The following ADPRHL1 variants were observed in gnomAD, a reference collection of about 807,000 sequenced individuals.
The protein encoded by ADPRHL1 is ADP-ribosylhydrolase like 1, also known as inactive ADP-ribosyltransferase ARH2.
In ADPRHL1, 43 loss-of-function variants were observed where a neutral mutation model predicts 44.1. The observed-to-expected ratio is 0.98, with a 90% CI of 0.76 to 1.26. ADPRHL1 has a LOEUF of 1.26. Among genes scored for constraint, ADPRHL1 ranks in the 50% most tolerant of loss-of-function variants. The pLI, the probability that ADPRHL1 is intolerant of heterozygous loss-of-function variation, is 0.00. For synonymous variants in ADPRHL1, 878 were observed against 1,017.4 expected (o/e 0.86, Z 2.61); for missense variants, 2,022 against 2,496.9 (o/e 0.81, Z 4.05).
Position 113,409,853 on chromosome 13 carries a change from C to T in ADPRHL1, c.1062-1633G>A. On this transcript the variant is annotated intron_variant, in intron 7 of 7. Transcript: ENST00000612156. The surrounding 1 kb of genome is among the most constrained non-coding windows in gnomAD (Gnocchi z 4.2). The stretch of plus-strand genomic sequence containing the variant: ...GCAGTGAGCCGAGATCGCACCACTG[C>T]ACTCCAGCCTGAGCGACAGAGCGAG... 3.5e-6 allele frequency: 3 copies of T among 865,324 alleles called. No homozygotes were observed. The highest frequency in any genetic ancestry group is 4.1e-6 in the Non-Finnish European group (3 of 728,940). 53.6% of individuals were successfully genotyped at this position (865,324 alleles called of 1,614,324 possible). A position where few individuals can be genotyped will look rare whatever the true frequency, so the allele number is the denominator to read the frequency against.
intron 2 of ADPRHL1, among the ~76,000 whole-genome samples, chr13:113,434,378 G>T (rs1025737816): frequency 3.3e-5 from 5 of 150,666 alleles, no homozygotes; most frequent in Admixed American, 6.6e-5. Context: ...GGTGTACCCT[G>T]GGACCCAGCA....
At chr13:113,425,830 AC>A (rs1421956959) in intron 4 of ADPRHL1, among the ~76,000 whole-genome samples, 1 of 151,430 alleles carries the variant, frequency 6.6e-6, no homozygotes, top group Non-Finnish European at 1.5e-5. Flanking sequence ...ACAGGCACCC[AC>A]CACCACGCCC....
At chr13:113,426,695 AAAGT>A (rs1398375336) in intron 4 of ADPRHL1, among the ~76,000 whole-genome samples, 6 of 152,244 alleles carry the variant, frequency 3.9e-5, no homozygotes, top group Admixed American at 1.3e-4. Context: ...GAAAGACGCA[AAAGT>A]AAGAGGGCAG....
Position 113,408,071 on chromosome 13 carries a change from G to A in ADPRHL1, c.1211C>T (p.Pro404Leu), listed in dbSNP as rs1360366067. The change falls in exon 8 of 8, where the codon CCG becomes CTG. Residue 404 changes from proline to leucine, a missense_variant. This residue lies in a region of ADPRHL1 where 1,221 missense variants were observed against 1,517.8 expected (regional missense o/e 0.80). Coordinates refer to ENST00000612156, the MANE Select transcript of ADPRHL1 (RefSeq NM_001394807.1). ...CCTGCTCCCCCCGGCCTCTGTCCCC[G>A]GGGGCCGGTCTGCGCGGCCCGTGAC... ...LYVTGRADRP[P>L]GTEAGGSRPS... is the part of the protein sequence containing the mutation. 6.5e-6 allele frequency: 8 copies of A among 1,231,912 alleles called. No homozygotes were observed. The highest frequency in any genetic ancestry group is 8.1e-6 in the Non-Finnish European group (8 of 987,970). 76.3% of individuals were successfully genotyped at this position (1,231,912 alleles called of 1,614,324 possible).
chr13:113,419,378 A>T (rs1442855462), intron 7 of ADPRHL1, among the ~76,000 whole-genome samples: 1 of 149,776 alleles, frequency 6.7e-6, no homozygotes, highest in Admixed American at 6.7e-5. Flanking sequence ...CAGCCTCCCA[A>T]AGTGCTGGGA....
chr13:113,438,864 C>T (rs1455651477), intron 2 of ADPRHL1, among the ~76,000 whole-genome samples: 1 of 152,082 alleles, frequency 6.6e-6, no homozygotes, highest in Non-Finnish European at 1.5e-5. Context: ...CTTTCTTCTT[C>T]TTAAGTTGGA....
chr13:113,437,405 A>G (rs2044069021), intron 2 of ADPRHL1, among the ~76,000 whole-genome samples: 1 of 152,128 alleles, frequency 6.6e-6, no homozygotes, highest in African/African-American at 2.4e-5. Context: ...GTACCCCGGG[A>G]CCCAGCACCC....
intron 2 of ADPRHL1, among the ~76,000 whole-genome samples, chr13:113,437,514 G>A (rs1208471752): frequency 6.6e-6 from 1 of 152,240 alleles, no homozygotes; most frequent in Non-Finnish European, 1.5e-5. Flanking sequence ...GACCGTGCGT[G>A]TTACTCGGCG....
At position 113,441,556 on chromosome 13, in the gene ADPRHL1, T is replaced by C. The variant is rs759977771; in HGVS notation, c.379+2869A>G. Among the ~76,000 whole-genome samples, 13 of 152,234 alleles carry C rather than the reference T, an allele frequency of 8.5e-5. No homozygotes were observed. The highest frequency in any genetic ancestry group is 2.2e-4 in the African/African-American group (9 of 41,460). On this transcript the variant is annotated intron_variant, in intron 2 of 7. Coordinates refer to ENST00000612156, the MANE Select transcript of ADPRHL1 (RefSeq NM_001394807.1). This position sits in a 1 kb window ranked among gnomAD's most constrained non-coding sequence, Gnocchi z 6.0. ...TCCCCTGCTAGCCTTCGTGCTATTG[T>C]TGTTGTACATTCTACTTATATTTTA...
At chr13:113,436,248 A>T (rs1352023008) in intron 2 of ADPRHL1, among the ~76,000 whole-genome samples, 2 of 128,628 alleles carry the variant, frequency 1.6e-5, no homozygotes, top group Non-Finnish European at 3.3e-5. Flanking sequence ...CCAGGTGTAG[A>T]GTGAACATAG....
At position 113,411,951 on chromosome 13, in the gene ADPRHL1, G is replaced by A. The variant is rs1017851840; in HGVS notation, c.1062-3731C>T. Among the ~76,000 whole-genome samples the A allele has an allele frequency of 3.9e-5, 6 of 152,150 alleles. No individual in the cohort carries two copies. In the East Asian group the frequency reaches 5.8e-4, roughly 15 times the overall value. On this transcript the variant is annotated intron_variant, in intron 7 of 7. Coordinates refer to ENST00000612156, the MANE Select transcript of ADPRHL1 (RefSeq NM_001394807.1). ...CTCGTCACAAAGTCCTGCGCCCACC[G>A]CCCACTATTGCGCTCACCCTCTCTG... is the stretch of plus-strand genomic sequence containing the variant.
At chr13:113,427,628 A>G (rs1260953516) in intron 4 of ADPRHL1, among the ~76,000 whole-genome samples, 1 of 150,412 alleles carries the variant, frequency 6.6e-6, no homozygotes, top group East Asian at 2.0e-4. Context: ...CCGCTTAGCC[A>G]TCTCCCACCG....
At chr13:113,450,819 T>G (rs765152259) in intron 1 of ADPRHL1, among the ~76,000 whole-genome samples, 1 of 151,754 alleles carries the variant, frequency 6.6e-6, no homozygotes, top group Non-Finnish European at 1.5e-5. Context: ...AGACTAGGAG[T>G]GTGACCACTG....
At chr13:113,427,172 G>A (rs1216590440) in intron 4 of ADPRHL1, among the ~76,000 whole-genome samples, 1 of 152,250 alleles carries the variant, frequency 6.6e-6, no homozygotes, top group Non-Finnish European at 1.5e-5. Flanking sequence ...CAAAGGGGAG[G>A]AGGTTTTGCT....
Position 113,400,220 on chromosome 13 carries a change from A to C in ADPRHL1, c.*3158T>G, listed in dbSNP as rs1379591517. Reference sequence around the variant, plus strand: ...GAGTGCAGTGGCGCAATCTCGGCTCACTGCAAGCTCCACCTCCCGGGTTCA... The same window carrying C: ...GAGTGCAGTGGCGCAATCTCGGCTCCCTGCAAGCTCCACCTCCCGGGTTCA... On this transcript the variant is annotated 3_prime_UTR_variant, in exon 8 of 8. Coordinates refer to ENST00000612156, the MANE Select transcript of ADPRHL1 (RefSeq NM_001394807.1). The C allele has an allele frequency of 7.2e-6, 1 of 138,798 alleles. No homozygotes were observed. The highest frequency in any genetic ancestry group is 1.5e-5 in the Non-Finnish European group (1 of 65,680). The allele number at this position is 138,798 out of a possible 1,614,324, so 8.6% of individuals were successfully genotyped here. A position where few individuals can be genotyped will look rare whatever the true frequency, so the allele number is the denominator to read the frequency against.
At chr13:113,428,823 T>G (rs1486988485) in intron 4 of ADPRHL1, 129 bp downstream of exon 4, 2 of 1,413,206 alleles carry the variant, frequency 1.4e-6, no homozygotes, top group Non-Finnish European at 1.9e-6. Context: ...TCTGCTCACA[T>G]GGCCCGGACA....
At chr13:113,422,655 A>G in intron 7 of ADPRHL1, 171 bp downstream of exon 7, 1 of 793,764 alleles carries the variant, frequency 1.3e-6, no homozygotes, top group African/African-American at 1.7e-5. Flanking sequence ...AATGTATTTT[A>G]TGCAACAGTT....
At chr13:113,418,980 T>TTCCC (rs1174404083) in intron 7 of ADPRHL1, among the ~76,000 whole-genome samples, 2 of 105,642 alleles carry the variant, frequency 1.9e-5, no homozygotes, top group African/African-American at 7.3e-5. Context: ...CCTCTTTTCC[T>TTCCC]TCCCTCCCTC....
intron 7 of ADPRHL1, among the ~76,000 whole-genome samples, chr13:113,413,851 A>C (rs867578085): frequency 6.6e-6 from 1 of 152,182 alleles, no homozygotes; most frequent in Non-Finnish European, 1.5e-5. Flanking sequence ...GGGCCAATAT[A>C]AACAGCAGGG....
Sources: gnomAD v4.1 joint callset for allele counts (sites outside exome capture counted in the v4.1 genomes callset) on GRCh38, gnomAD v4.1.1 for gene constraint, gnomAD v4.1.1 regional missense constraint, Gnocchi (gnomAD v3.1) non-coding constraint, MANE v1.5 for transcripts, NCBI Gene and HGNC (gene_info 2026-07-23, HGNC 2026-07-21) for gene names.